SPRY3: variants seen among roughly 807,000 people sequenced by gnomAD.
SPRY3 encodes the protein sprouty RTK signaling antagonist 3, also known as protein sprouty homolog 3.
SPRY3 carries 15 observed loss-of-function variants against 20.2 expected under a neutral mutation model. The ratio of observed to expected loss-of-function variants is 0.74; its 90% CI spans 0.50 to 1.14. The LOEUF is 1.14. SPRY3 is among the 50% of genes most tolerant of loss of function. SPRY3 has a pLI of 0.00. For missense variants in SPRY3, 364 were observed against 363.9 expected, an observed-to-expected ratio of 1.00 and a Z score of 0.00; for synonymous variants, 143 against 136.5, an observed-to-expected ratio of 1.05 and a Z score of -0.33.
intron 1 of SPRY3, among the ~76,000 whole-genome samples, chrX:155,613,964 G>C (rs2067841368): frequency 9.0e-6 from 1 of 111,653 alleles, no homozygotes; most frequent in South Asian, 3.7e-4. Context: ...TGTTCTCCAA[G>C]CACAGAGTCT....
At chrX:155,630,154 T>C (rs1242741011) in intron 1 of SPRY3, among the ~76,000 whole-genome samples, 1 of 112,240 alleles carries the variant, frequency 8.9e-6, no homozygotes, top group Non-Finnish European at 1.9e-5. Flanking sequence ...TTTTTTGATG[T>C]CACCATTTAC....
chrX:155,735,703 A>T (rs1455656694), intron 2 of SPRY3, among the ~76,000 whole-genome samples: 1 of 151,886 alleles, frequency 6.6e-6, no homozygotes, highest in Non-Finnish European at 1.5e-5. Flanking sequence ...CTGGGTCTTT[A>T]TATTTAAATT....
chrX:155,648,803 A>G (rs1477013040), intron 1 of SPRY3, among the ~76,000 whole-genome samples: 1 of 111,719 alleles, frequency 9.0e-6, no homozygotes, highest in Admixed American at 9.5e-5. Context: ...GAGACATGAA[A>G]AAGCCTTCAA....
intron 1 of SPRY3, among the ~76,000 whole-genome samples, chrX:155,632,550 C>T (rs2067910074): frequency 1.8e-5 from 2 of 111,175 alleles, no homozygotes; most frequent in Non-Finnish European, 3.8e-5. Flanking sequence ...GCTTAAATGG[C>T]TCATCTCTAT....
At chrX:155,708,913 C>T (rs1287447062) in intron 2 of SPRY3, among the ~76,000 whole-genome samples, 1 of 151,288 alleles carries the variant, frequency 6.6e-6, no homozygotes, top group African/African-American at 2.4e-5. Flanking sequence ...CAATTTGAGG[C>T]TCTGGTATCC....
intron 3 of SPRY3, 91 bp from the exon 3 acceptor site, chrX:155,773,675 T>C (rs957897603): frequency 7.4e-4 from 456 of 616,200 alleles, no homozygotes; most frequent in Non-Finnish European, 1.2e-3. Context: ...TTGAAGGTAG[T>C]GGTGGTGATA....
At chrX:155,766,110 G>T (rs2091326844) in intron 2 of SPRY3, among the ~76,000 whole-genome samples, 1 of 152,162 alleles carries the variant, frequency 6.6e-6, no homozygotes, top group African/African-American at 2.4e-5. Context: ...AGCTGGATTT[G>T]TTTAGAAATT....
chrX:155,700,638 T>TTTTTTAGG (rs2068134313), intron 2 of SPRY3, among the ~76,000 whole-genome samples: 10 of 80,844 alleles, frequency 1.2e-4, no homozygotes, highest in African/African-American at 3.3e-4. Flanking sequence ...TTTTTTATTA[T>TTTTTTAGG]ACTCTAAGTT....
chrX:155,614,920 G>A (rs2067846176), intron 1 of SPRY3, among the ~76,000 whole-genome samples: 1 of 111,351 alleles, frequency 9.0e-6, no homozygotes. Context: ...TTATGTTCCC[G>A]CCACACCAGC....
At chrX:155,751,983 T>G (rs868094673) in intron 2 of SPRY3, among the ~76,000 whole-genome samples, 5 of 127,636 alleles carry the variant, frequency 3.9e-5, no homozygotes, top group Admixed American at 2.4e-4. Context: ...TAAAATAAAA[T>G]AAAGGAAAGG....
chrX:155,714,324 G>A (rs954766165), intron 2 of SPRY3, among the ~76,000 whole-genome samples: 3 of 152,150 alleles, frequency 2.0e-5, no homozygotes, highest in Admixed American at 6.5e-5. Context: ...CAAAATACGG[G>A]CTTGTTTCTG....
chrX:155,617,471 A>G (rs1557349003), intron 1 of SPRY3, among the ~76,000 whole-genome samples: 2 of 111,545 alleles, frequency 1.8e-5, no homozygotes, highest in African/African-American at 6.5e-5. Flanking sequence ...CTCACAAATC[A>G]AGCCCCAAGA....
At chrX:155,692,179 CAGCTTTATATTTTACATT>C (rs2068104474) in intron 2 of SPRY3, among the ~76,000 whole-genome samples, 1 of 109,051 alleles carries the variant, frequency 9.2e-6, no homozygotes, top group African/African-American at 3.5e-5. Flanking sequence ...TAAATGGGTA[CAGCTTTATATTTTACATT>C]TAGCTCCCTG....
chrX:155,688,217 G>A (rs777889761), intron 2 of SPRY3, among the ~76,000 whole-genome samples: 7 of 110,462 alleles, frequency 6.3e-5, no homozygotes, highest in South Asian at 3.9e-4. Context: ...ACATGATCTC[G>A]TTCCTTTTTA....
intron 2 of SPRY3, among the ~76,000 whole-genome samples, chrX:155,763,189 A>T (rs192988643): frequency 2.6e-5 from 4 of 152,168 alleles, no homozygotes; most frequent in Non-Finnish European, 5.9e-5. Context: ...AAAGATGGCA[A>T]TTGGGTAGCC....
At chrX:155,659,298 C>T (rs1301205755) in intron 2 of SPRY3, among the ~76,000 whole-genome samples, 1 of 109,991 alleles carries the variant, frequency 9.1e-6, no homozygotes, top group Non-Finnish European at 1.9e-5. Flanking sequence ...GTGTCTGCCA[C>T]CACGCCTGGC....
intron 2 of SPRY3, among the ~76,000 whole-genome samples, chrX:155,763,124 A>C (rs1223622563): frequency 1.3e-5 from 2 of 148,900 alleles, no homozygotes; most frequent in East Asian, 1.9e-4. Flanking sequence ...ACAAAAAAAA[A>C]CCCCTCATGT....
In SPRY3 at chrX:155,628,084, T is replaced by C. The variant is rs1489212794; in HGVS notation, c.-441+15437T>C. ...GATGGGCATTTGGGTTGATTCTATG[T>C]GTTTGCTATTGTGAATAGTGCTGCA... On this transcript the variant is annotated intron_variant, in intron 1 of 3. Coordinates refer to ENST00000675360, the Ensembl canonical transcript of SPRY3. Among the ~76,000 whole-genome samples, 20 of 112,108 alleles carry C rather than the reference T, an allele frequency of 1.8e-4. No homozygotes were observed. The Admixed American group carries it at 1.8e-3, about 10-fold the overall frequency.
intron 1 of SPRY3, among the ~76,000 whole-genome samples, chrX:155,622,889 T>C (rs1302001780): frequency 8.9e-6 from 1 of 112,321 alleles, no homozygotes; most frequent in African/African-American, 3.2e-5. Flanking sequence ...ATTAAACCAC[T>C]GCCTTTGCTA....
Sources: gnomAD v4.1 joint callset for allele counts (sites outside exome capture counted in the v4.1 genomes callset) on GRCh38, gnomAD v4.1.1 for gene constraint, MANE v1.5 for transcripts, NCBI Gene and HGNC (gene_info 2026-07-23, HGNC 2026-07-21) for gene names.